The following LEP variants were observed in gnomAD, a reference collection of about 807,000 sequenced individuals.
The protein encoded by LEP is leptin (murine obesity homolog).
A neutral mutation model predicts 9.8 loss-of-function variants in LEP; 6 were observed. The observed-to-expected ratio is 0.61, with a 90% confidence interval of 0.34 to 1.21. LEP has a LOEUF of 1.21. Ranked by LOEUF, LEP falls within the 50% of genes most tolerant of loss-of-function variation. The pLI, the probability that LEP is intolerant of heterozygous loss-of-function variation, is 0.04. For synonymous variants in LEP, 112 were observed against 81.7 expected, an observed-to-expected ratio of 1.37 and a Z score of -2.00; for missense variants, 134 against 198.1, an observed-to-expected ratio of 0.68 and a Z score of 1.94.
intron 1 of LEP, among the ~76,000 whole-genome samples, chr7:128,251,529 G>A (rs745723040): frequency 6.6e-5 from 10 of 152,298 alleles, no homozygotes; most frequent in Middle Eastern, 3.4e-3. Context: ...GCCCTTTCAC[G>A]TGCATCAGAT....
Position 128,254,856 on chromosome 7 carries a change from A to G in LEP, c.*93A>G. 1 of 1,379,216 alleles carries G rather than the reference A, an allele frequency of 7.3e-7. No homozygotes were observed. The highest frequency in any genetic ancestry group is 1.0e-6 in the Non-Finnish European group (1 of 991,800). The allele number at this position is 1,379,216 out of a possible 1,614,324, so 85.4% of individuals were successfully genotyped here. On this transcript the variant is annotated 3_prime_UTR_variant, in exon 3 of 3. Coordinates refer to ENST00000308868, the MANE Select transcript of LEP (RefSeq NM_000230.3). ...CAGGATTGAAGAGCATTGCATGGAC[A>G]CCCCTTATCCAGGACTCTGTCAATT...
At chr7:128,244,637 T>C (rs1405861259) in intron 1 of LEP, among the ~76,000 whole-genome samples, 2 of 152,140 alleles carry the variant, frequency 1.3e-5, no homozygotes, top group African/African-American at 4.8e-5. Context: ...CAAGTGAGTA[T>C]AAGAAAAGAG....
intron 2 of LEP, among the ~76,000 whole-genome samples, chr7:128,253,849 G>C (rs1437132696): frequency 2.0e-5 from 3 of 152,236 alleles, no homozygotes; most frequent in Non-Finnish European, 4.4e-5. Flanking sequence ...GGGAGCCCCG[G>C]GTAGTAACCA....
At chr7:128,242,416 C>T (rs1795162166) in intron 1 of LEP, among the ~76,000 whole-genome samples, 1 of 152,164 alleles carries the variant, frequency 6.6e-6, no homozygotes, top group South Asian at 2.1e-4. Flanking sequence ...CAATCTCTTT[C>T]ATATTAGGAT....
rs755477612 is a variant in LEP, at chr7:128,254,509, C to T, written c.250C>T (p.Gln84Ter). 1 of 1,614,212 alleles carries T rather than the reference C, an allele frequency of 6.2e-7. No individual in the cohort carries two copies. Among genetic ancestry groups the T allele is most frequent in the Non-Finnish European group, 8.5e-7 (1 of 1,180,032 alleles). The change falls in exon 3 of 3, where the codon CAG (glutamine) becomes TAG (stop). Residue 84 changes from glutamine to a stop codon, truncating the protein, a stop_gained. Coordinates refer to ENST00000308868, the MANE Select transcript of LEP (RefSeq NM_000230.3). LOFTEE classifies it high-confidence loss of function. ...KMDQTLAVYQ[Q>*]ILTSMPSRNV... ...GGACCAGACACTGGCAGTCTACCAA[C>T]AGATCCTCACCAGTATGCCTTCCAG...
chr7:128,254,491 A>T lies in LEP; in HGVS notation c.232A>T (p.Thr78Ser). The T allele has an allele frequency of 6.2e-7, 1 of 1,614,176 alleles. No homozygotes were observed. The highest frequency in any genetic ancestry group is 8.5e-7 in the Non-Finnish European group (1 of 1,180,024). ...CCTGACCTTATCCAAGATGGACCAG[A>T]CACTGGCAGTCTACCAACAGATCCT... ...PILTLSKMDQTLAVYQQILTS... is the reference protein window; with the variant it reads ...PILTLSKMDQSLAVYQQILTS... Residue 78 changes from threonine (T) to serine (S), a missense_variant, in exon 3 of 3, where the codon ACA becomes TCA. Physicochemically the swap from Thr to Ser is moderately conservative, Grantham distance 58. Coordinates refer to ENST00000308868, the MANE Select transcript of LEP (RefSeq NM_000230.3).
intron 1 of LEP, among the ~76,000 whole-genome samples, chr7:128,249,393 T>A (rs188329717): frequency 2.7e-3 from 407 of 152,302 alleles, no homozygotes; most frequent in Non-Finnish European, 4.6e-3. Flanking sequence ...GTCCTCCTGG[T>A]TCAAGATGGT....
rs113405088 is a variant in LEP at position 128,254,967 on chromosome 7, C to T, written c.*204C>T. On this transcript the variant is annotated 3_prime_UTR_variant, in exon 3 of 3. Coordinates refer to ENST00000308868, the MANE Select transcript of LEP (RefSeq NM_000230.3). ...AAACCAAAGATATATACACAGGATC[C>T]TATTCTCACCAGGAAGGGGGTCCAC... The T allele has an allele frequency of 8.9e-4, 545 of 609,952 alleles. 3 individuals carry two copies. Among genetic ancestry groups the T allele is most frequent in the African/African-American group, 8.7e-3 (470 of 54,328 alleles). The allele number at this position is 609,952 out of a possible 1,614,324, so 37.8% of individuals were successfully genotyped here.
chr7:128,246,853 G>A (rs1269958764), intron 1 of LEP, among the ~76,000 whole-genome samples: 1 of 152,094 alleles, frequency 6.6e-6, no homozygotes, highest in Admixed American at 6.6e-5. Context: ...GGTAGAAGAT[G>A]GGGCAGCCAG....
chr7:128,250,358 C>A (rs1255820237), intron 1 of LEP, among the ~76,000 whole-genome samples: 3 of 152,136 alleles, frequency 2.0e-5, no homozygotes, highest in African/African-American at 7.2e-5. Flanking sequence ...GATGTGGGTA[C>A]AATACCATAG....
Position 128,254,461 on chromosome 7 carries a change from C to G in LEP, c.202C>G (p.Pro68Ala). The change falls in exon 3 of 3, where the codon CCC becomes GCC. Residue 68 changes from proline (P) to alanine (A), a missense_variant. Pro to Ala is a conservative substitution (Grantham distance 27). Transcript: ENST00000308868. Reference sequence around the variant, plus strand: ...TTTGGACTTCATTCCTGGGCTCCACCCCATCCTGACCTTATCCAAGATGGA... The same window carrying G: ...TTTGGACTTCATTCCTGGGCTCCACGCCATCCTGACCTTATCCAAGATGGA... ...TGLDFIPGLHPILTLSKMDQT... is the reference protein window; with the variant it reads ...TGLDFIPGLHAILTLSKMDQT... The G allele has an allele frequency of 1.2e-6, 2 of 1,613,974 alleles. No homozygotes were observed. The highest frequency in any genetic ancestry group is 8.5e-7 in the Non-Finnish European group (1 of 1,179,926).
In LEP at chr7:128,252,075, C is replaced by T; in HGVS notation, c.57C>T (p.Val19=). 6.2e-7 allele frequency: 1 copy of T among 1,614,146 alleles called. No individual in the cohort carries two copies. Residue 19 remains valine (V), a synonymous_variant, in exon 2 of 3, where the codon GTC becomes GTT. Coordinates refer to ENST00000308868, the MANE Select transcript of LEP (RefSeq NM_000230.3). The part of the protein sequence containing the change: ...FLWLWPYLFY[V]QAVPIQKVQD... ...GGCTTTGGCCCTATCTTTTCTATGT[C>T]CAAGCTGTGCCCATCCAAAAAGTCC...
At chr7:128,242,837 G>A (rs1481391372) in intron 1 of LEP, among the ~76,000 whole-genome samples, 2 of 152,164 alleles carry the variant, frequency 1.3e-5, no homozygotes, top group African/African-American at 4.8e-5. Flanking sequence ...GGAGGTGGCC[G>A]CCACGGAACC....
chr7:128,247,242 G>A lies in LEP; in HGVS notation c.-28-4749G>A, dbSNP rs28954092. ...ATGCTCTCCTGCCACAGCTGCAGCG[G>A]GCCCCTGGGTCCTACATTTGCAGCC... is the stretch of plus-strand genomic sequence containing the variant. On this transcript the variant is annotated intron_variant, in intron 1 of 2. Transcript: ENST00000308868. Among the ~76,000 whole-genome samples, 739 of 152,164 alleles carry A rather than the reference G, an allele frequency of 4.9e-3. 4 individuals carry two copies. Among genetic ancestry groups the A allele is most frequent in the Non-Finnish European group, 7.9e-3 (535 of 68,006 alleles).
chr7:128,244,440 G>GA (rs1795187514), intron 1 of LEP, among the ~76,000 whole-genome samples: 1 of 152,116 alleles, frequency 6.6e-6, no homozygotes, highest in South Asian at 2.1e-4. Flanking sequence ...GCAAATAAGA[G>GA]AAAATCACTC....
At chr7:128,242,680 C>T (rs1472143310) in intron 1 of LEP, among the ~76,000 whole-genome samples, 1 of 152,210 alleles carries the variant, frequency 6.6e-6, no homozygotes, top group Non-Finnish European at 1.5e-5. Flanking sequence ...AATAACTCTT[C>T]TTGGTATTTG....
Position 128,254,543 on chromosome 7 carries a change from T to A in LEP, c.284T>A (p.Ile95Asn), listed in dbSNP as rs1226851396. Residue 95 changes from isoleucine to asparagine, a missense_variant, in exon 3 of 3, where the codon ATC (isoleucine) becomes AAC (asparagine). Coordinates refer to ENST00000308868, the MANE Select transcript of LEP (RefSeq NM_000230.3). ...ACCAGTATGCCTTCCAGAAACGTGA[T>A]CCAAATATCCAACGACCTGGAGAAC... is the stretch of plus-strand genomic sequence containing the variant. ...ILTSMPSRNV[I>N]QISNDLENLR... The A allele has an allele frequency of 6.2e-7, 1 of 1,614,020 alleles. No homozygotes were observed. Among genetic ancestry groups the A allele is most frequent in the Non-Finnish European group, 8.5e-7 (1 of 1,180,026 alleles).
At chr7:128,243,960 G>A (rs1795180632) in intron 1 of LEP, among the ~76,000 whole-genome samples, 1 of 152,084 alleles carries the variant, frequency 6.6e-6, no homozygotes, top group South Asian at 2.1e-4. Flanking sequence ...CTCAACAATT[G>A]ATCAGAAGTC....
At chr7:128,251,965 C>G in intron 1 of LEP, 26 bp from the exon 2 acceptor site, 1 of 1,584,308 alleles carries the variant, frequency 6.3e-7, no homozygotes, top group Non-Finnish European at 8.7e-7. Flanking sequence ...CGGCTCCTTG[C>G]AGTGTGTGGT....
Sources: gnomAD v4.1 joint callset for allele counts (sites outside exome capture counted in the v4.1 genomes callset) on GRCh38, gnomAD v4.1.1 for gene constraint, MANE v1.5 for transcripts, NCBI Gene and HGNC (gene_info 2026-07-23, HGNC 2026-07-21) for gene names.